Variants in SNX9 observed in about 807,000 individuals in gnomAD.
SNX9 encodes sorting nexin-9.
A neutral mutation model predicts 89.4 loss-of-function variants in SNX9; 44 were observed. That is an observed-to-expected ratio of 0.49 (90% confidence interval 0.39 to 0.63). The LOEUF (loss-of-function observed/expected upper bound fraction) is 0.63, where lower values mean the gene tolerates loss of function less well. SNX9 is among the 30% of genes least tolerant of loss of function. The pLI is 0.00. For missense variants in SNX9, 578 were observed against 736.1 expected (o/e 0.79, Z 2.49); for synonymous variants, 236 against 247.8 (o/e 0.95, Z 0.45).
chr6:157,847,505 C>G (rs1781828224), intron 1 of SNX9, among the ~76,000 whole-genome samples: 2 of 151,856 alleles, frequency 1.3e-5, no homozygotes, highest in Non-Finnish European at 2.9e-5. Flanking sequence ...GCTATATATT[C>G]TATAGGAGTT....
intron 4 of SNX9, among the ~76,000 whole-genome samples, chr6:157,875,778 C>G (rs1441745175): frequency 6.6e-6 from 1 of 152,140 alleles, no homozygotes; most frequent in African/African-American, 2.4e-5. Flanking sequence ...GTGAATTTGT[C>G]TAGTTCATTT....
chr6:157,827,515 A>ATATAGTTTATATAATATATAAACATATAT lies in SNX9; in HGVS notation c.12+4074_12+4102dup. Among the ~76,000 whole-genome samples the ATATAGTTTATATAATATATAAACATATAT allele has an allele frequency of 7.4e-3, 43 of 5,772 alleles. 18 individuals carry two copies. In the African/African-American group the frequency reaches 0.1, roughly 14 times the overall value. The allele number at this position is 5,772 out of a possible 152,430, so 3.8% of individuals were successfully genotyped here. ...CTTATAGTTTATATAATATATAAAC[A>ATATAGTTTATATAATATATAAACATATAT]TATAGTTTATATAATATATAAACAT... is the stretch of plus-strand genomic sequence containing the variant. On this transcript the variant is annotated intron_variant, in intron 1 of 17. Coordinates refer to ENST00000392185, the MANE Select transcript of SNX9 (RefSeq NM_016224.5).
At chr6:157,834,695 C>T (rs1322711706) in intron 1 of SNX9, among the ~76,000 whole-genome samples, 2 of 152,006 alleles carry the variant, frequency 1.3e-5, no homozygotes, top group African/African-American at 2.4e-5. Flanking sequence ...CATTCCATTC[C>T]AAGTGCCCAT....
At chr6:157,846,578 C>T (rs916616355) in intron 1 of SNX9, among the ~76,000 whole-genome samples, 1 of 152,216 alleles carries the variant, frequency 6.6e-6, no homozygotes, top group African/African-American at 2.4e-5. Context: ...ATGTTCTTTA[C>T]ATACTTTGAT....
intron 2 of SNX9, among the ~76,000 whole-genome samples, chr6:157,870,344 ACT>A (rs1235490945): frequency 6.7e-6 from 1 of 149,492 alleles, no homozygotes; most frequent in Non-Finnish European, 1.5e-5. Context: ...TCACACTCAC[ACT>A]CATGCTCTCA....
intron 6 of SNX9, among the ~76,000 whole-genome samples, chr6:157,903,742 C>T (rs902136638): frequency 2.7e-5 from 4 of 150,324 alleles, no homozygotes; most frequent in Admixed American, 2.6e-4. Context: ...TCCACACTTG[C>T]TCTCTGATTT....
chr6:157,874,914 C>T (rs541249231), intron 3 of SNX9, 137 bp from the exon 4 acceptor site: 107 of 860,174 alleles, frequency 1.2e-4, no homozygotes, highest in East Asian at 5.8e-5. Context: ...TATGAGTATG[C>T]GGCAAAAGCA....
In SNX9 at chr6:157,896,881, T is replaced by C. The variant is rs1782987761; in HGVS notation, c.355T>C (p.Trp119Arg). ...CTGGAGTGCCTCCAAATCTGGGAAC[T>C]GGGAAAGCTCAGAAGGCTGGGGGGC... Reference protein sequence around the residue: ...SAWSASKSGNWESSEGWGAQP... With the variant: ...SAWSASKSGNRESSEGWGAQP... The change falls in exon 5 of 18, where the codon TGG becomes CGG. Residue 119 changes from tryptophan to arginine, a missense_variant. By Grantham distance (101) the Trp-to-Arg change is moderately radical (BLOSUM62 -3). Transcript: ENST00000392185. 6.2e-7 allele frequency: 1 copy of C among 1,613,426 alleles called. No individual in the cohort carries two copies. The highest frequency in any genetic ancestry group is 8.5e-7 in the Non-Finnish European group (1 of 1,179,828).
intron 4 of SNX9, among the ~76,000 whole-genome samples, chr6:157,876,325 A>C (rs987449566): frequency 6.6e-6 from 1 of 152,116 alleles, no homozygotes; most frequent in Non-Finnish European, 1.5e-5. Flanking sequence ...GGTGGCAGGC[A>C]CCTGTAATCC....
chr6:157,849,484 G>A (rs925463333), intron 1 of SNX9, among the ~76,000 whole-genome samples: 1 of 152,256 alleles, frequency 6.6e-6, no homozygotes, highest in African/African-American at 2.4e-5. Flanking sequence ...TAGTGTGCAT[G>A]TTCAAAAGGT....
intron 9 of SNX9, among the ~76,000 whole-genome samples, chr6:157,920,150 T>G (rs1307293934): frequency 6.6e-6 from 1 of 152,250 alleles, no homozygotes; most frequent in Non-Finnish European, 1.5e-5. Context: ...AGGTCATTTT[T>G]AAGTTGCCCT....
chr6:157,897,401 A>G (rs1783003004), intron 5 of SNX9, among the ~76,000 whole-genome samples: 1 of 152,144 alleles, frequency 6.6e-6, no homozygotes, highest in Admixed American at 6.5e-5. Flanking sequence ...CAGAGCTTCC[A>G]TGCCCCCCTG....
chr6:157,860,892 A>G (rs1782107741), intron 1 of SNX9, among the ~76,000 whole-genome samples: 1 of 152,164 alleles, frequency 6.6e-6, no homozygotes, highest in Non-Finnish European at 1.5e-5. Flanking sequence ...TACACTAAGT[A>G]TTTCTTGGGA....
At chr6:157,876,849 C>T (rs2115144106) in intron 4 of SNX9, among the ~76,000 whole-genome samples, 1 of 152,342 alleles carries the variant, frequency 6.6e-6, no homozygotes, top group South Asian at 2.1e-4. Flanking sequence ...CTACCAGGTG[C>T]CAGTCACATG....
In SNX9 at chr6:157,914,469, C is replaced by CTTTTTTTTTTTTTTTTTTTTTT. The variant is rs34419515; in HGVS notation, c.949+4446_949+4467dup. On this transcript the variant is annotated intron_variant, in intron 9 of 17. Coordinates refer to ENST00000392185, the MANE Select transcript of SNX9 (RefSeq NM_016224.5). Reference sequence around the variant, plus strand: ...TGGCTTGGCTTGTCATTTTCTTTTTCTTTTTTTTTTTTTTTTTTTTTTTGG... The same window carrying CTTTTTTTTTTTTTTTTTTTTTT: ...TGGCTTGGCTTGTCATTTTCTTTTTCTTTTTTTTTTTTTTTTTTTTTTTTTTTTTTTTTTTTTTTTTTTTTGG... 6.7e-5 allele frequency among the ~76,000 whole-genome samples: 5 copies of CTTTTTTTTTTTTTTTTTTTTTT among 75,114 alleles called. 1 individual carries two copies. The highest frequency in any genetic ancestry group is 2.8e-4 in the African/African-American group (5 of 17,720). The allele number at this position is 75,114 out of a possible 152,430, so 49.3% of individuals were successfully genotyped here.
intron 4 of SNX9, among the ~76,000 whole-genome samples, chr6:157,894,793 G>A (rs937725064): frequency 3.9e-5 from 6 of 152,118 alleles, no homozygotes; most frequent in East Asian, 1.9e-4. Context: ...AAAATCCATC[G>A]GTTCTAAATA....
At chr6:157,824,066 A>G (rs1318138696) in intron 1 of SNX9, among the ~76,000 whole-genome samples, 1 of 152,252 alleles carries the variant, frequency 6.6e-6, no homozygotes, top group African/African-American at 2.4e-5. Flanking sequence ...GCCGGCATGA[A>G]TAAAATATCA....
intron 11 of SNX9, among the ~76,000 whole-genome samples, chr6:157,927,547 T>A (rs2115201002): frequency 6.6e-6 from 1 of 152,306 alleles, no homozygotes; most frequent in South Asian, 2.1e-4. Context: ...CAAATCTCTT[T>A]GAACATTGCC....
chr6:157,883,638 C>T (rs879733699), intron 4 of SNX9, among the ~76,000 whole-genome samples: 1 of 152,180 alleles, frequency 6.6e-6, no homozygotes, highest in Non-Finnish European at 1.5e-5. Flanking sequence ...ATGTATTTGT[C>T]TCCAGGCAAA....
Sources: allele counts gnomAD v4.1 joint callset (sites outside exome capture counted in the v4.1 genomes callset), GRCh38; gene constraint gnomAD v4.1.1; transcripts MANE v1.5; gene names NCBI Gene and HGNC (gene_info 2026-07-23, HGNC 2026-07-21).